Variants in C22orf42 observed in about 807,000 individuals in gnomAD.
C22orf42 encodes the protein uncharacterized protein C22orf42.
C22orf42 carries 24 observed loss-of-function variants against 31.4 expected under a neutral mutation model. The observed-to-expected ratio is 0.77, with a 90% confidence interval of 0.55 to 1.08. The LOEUF is 1.08. Among genes scored for constraint, C22orf42 ranks in the 50% least tolerant of loss-of-function variants. The pLI is 0.00. For missense variants in C22orf42, 276 were observed against 327.3 expected, an observed-to-expected ratio of 0.84 and a Z score of 1.21; for synonymous variants, 96 against 112.7, an observed-to-expected ratio of 0.85 and a Z score of 0.94.
In C22orf42 at chr22:32,150,451, T is replaced by C. The variant is rs770081237; in HGVS notation, c.522A>G (p.Leu174=). 1.9e-6 allele frequency: 3 copies of C among 1,614,038 alleles called. No individual in the cohort carries two copies. Among genetic ancestry groups the C allele is most frequent in the Admixed American group, 1.7e-5 (1 of 60,004 alleles). The part of the protein sequence containing the change: ...HHLVEDLSES[L]SVCLEDFMTS... ...TCATGAAGTCTTCAAGACAGACAGA[T>C]AGGCTTTCACTGAGATCTTCGACCA... The change falls in exon 7 of 9, where the codon CTA becomes CTG. Residue 174 remains leucine (L), a synonymous_variant. Coordinates refer to ENST00000382097, the MANE Select transcript of C22orf42 (RefSeq NM_001010859.3).
chr22:32,149,555 T>G lies in C22orf42; in HGVS notation c.741A>C (p.Gly247=), dbSNP rs1788998465. The G allele has an allele frequency of 6.5e-7, 1 of 1,535,040 alleles. No homozygotes were observed. Among genetic ancestry groups the G allele is most frequent in the South Asian group, 1.2e-5 (1 of 81,802 alleles). Residue 247 remains glycine, a synonymous_variant, in exon 9 of 9, where the codon GGA becomes GGC. Coordinates refer to ENST00000382097, the MANE Select transcript of C22orf42 (RefSeq NM_001010859.3). ...LNEPISSQVL[G]LLRL is the part of the protein sequence containing the mutation. ...ACTTGGAACACTAAAGCCGGAGAAG[T>G]CCTAGAACCTGGCTGCTGATGGGTT...
chr22:32,157,063 T>G (rs539903101), intron 1 of C22orf42, among the ~76,000 whole-genome samples: 69 of 152,350 alleles, frequency 4.5e-4, no homozygotes, highest in Non-Finnish European at 8.5e-4. Flanking sequence ...GCCTTTCTCT[T>G]ATGTGTGAAG....
intron 1 of C22orf42, among the ~76,000 whole-genome samples, chr22:32,157,407 T>C (rs891864221): frequency 1.8e-4 from 27 of 151,856 alleles, no homozygotes; most frequent in South Asian, 2.1e-4. Context: ...GCTCACTACG[T>C]GTACAAGGCC....
At chr22:32,153,628 G>A (rs1309027077) in intron 2 of C22orf42, among the ~76,000 whole-genome samples, 3 of 152,256 alleles carry the variant, frequency 2.0e-5, no homozygotes, top group South Asian at 2.1e-4. Context: ...AAATTCTACC[G>A]AAATTCTTAC....
Position 32,150,431 on chromosome 22 carries a change from A to G in C22orf42, c.542T>C (p.Phe181Ser). ...GCTTTCACTGAGATCCGATGTCATG[A>G]AGTCTTCAAGACAGACAGATAGGCT... is the stretch of plus-strand genomic sequence containing the variant. ...SESLSVCLED[F>S]MTSDLSESLS... The change falls in exon 7 of 9, where the codon TTC becomes TCC. Residue 181 changes from phenylalanine to serine, a missense_variant. Phe to Ser is a radical substitution (Grantham distance 155). Transcript: ENST00000382097. 2 of 1,614,146 alleles carry G rather than the reference A, an allele frequency of 1.2e-6. No individual in the cohort carries two copies. The highest frequency in any genetic ancestry group is 1.7e-6 in the Non-Finnish European group (2 of 1,179,998).
At chr22:32,152,207 A>G in intron 3 of C22orf42, 113 bp from the exon 4 acceptor site, 4 of 1,288,046 alleles carry the variant, frequency 3.1e-6, no homozygotes, top group African/African-American at 1.5e-5. Flanking sequence ...TGAAACAGTG[A>G]TCAAGTCACT....
upstream of C22orf42, chr22:32,159,372 C>A: frequency 1.4e-6 from 2 of 1,436,134 alleles, no homozygotes; most frequent in Non-Finnish European, 1.8e-6. Context: ...TGCCAGGAAA[C>A]AACCAAGTCA....
intron 5 of C22orf42, 70 bp from the exon 6 acceptor site, chr22:32,151,089 T>C: frequency 8.6e-6 from 13 of 1,504,742 alleles, no homozygotes; most frequent in Non-Finnish European, 1.2e-5. Flanking sequence ...GGCAAAGGCC[T>C]TTTATTCACC....
rs1921468186 is a variant in C22orf42, at chr22:32,159,289, G to A, written c.-74C>T. ...TAGTCGGAGCTCCTCCTCCTTCTACGGCCAGCTACCGACTGAAGGCTGCTG... is the reference window on the plus strand; with the variant it reads ...TAGTCGGAGCTCCTCCTCCTTCTACAGCCAGCTACCGACTGAAGGCTGCTG... On this transcript the variant is annotated 5_prime_UTR_variant, in exon 1 of 9. Coordinates refer to ENST00000382097, the MANE Select transcript of C22orf42 (RefSeq NM_001010859.3). 12 of 1,564,862 alleles carry A rather than the reference G, an allele frequency of 7.7e-6. No homozygotes were observed. The highest frequency in any genetic ancestry group is 2.3e-5 in the South Asian group (2 of 85,842).
intron 2 of C22orf42, among the ~76,000 whole-genome samples, chr22:32,152,984 G>C (rs1322943728): frequency 6.6e-6 from 1 of 152,140 alleles, no homozygotes; most frequent in Non-Finnish European, 1.5e-5. Flanking sequence ...TTTAACTTCT[G>C]TGGATCTACA....
chr22:32,159,345 C>T, upstream of C22orf42: 1 of 1,450,674 alleles, frequency 6.9e-7, no homozygotes, highest in East Asian at 2.5e-5. Context: ...ACCACAAAAC[C>T]TCCTATGTCA....
rs1281001246 is a variant in C22orf42, at chr22:32,151,006, G to T, written c.479C>A (p.Ala160Asp). ...NITSDIEISEAKHDHHLVEDL... is the reference protein window; with the variant it reads ...NITSDIEISEDKHDHHLVEDL... ...AAAATACGTACGGTGGTCGTGCTTGGCCTCAGATATTTCCTGCAGTAAGAG... is the reference window on the plus strand; with the variant it reads ...AAAATACGTACGGTGGTCGTGCTTGTCCTCAGATATTTCCTGCAGTAAGAG... Residue 160 changes from alanine to aspartate, a missense_variant, in exon 6 of 9, where the codon GCC becomes GAC. Transcript: ENST00000382097. The T allele has an allele frequency of 6.8e-6, 11 of 1,612,242 alleles. No individual in the cohort carries two copies. Among genetic ancestry groups the T allele is most frequent in the Non-Finnish European group, 8.5e-6 (10 of 1,179,326 alleles).
At position 32,159,248 on chromosome 22, in the gene C22orf42, G is replaced by T. The variant is rs1342474848; in HGVS notation, c.-33C>A. 6.2e-7 allele frequency: 1 copy of T among 1,606,436 alleles called. No individual in the cohort carries two copies. Among genetic ancestry groups the T allele is most frequent in the Non-Finnish European group, 8.5e-7 (1 of 1,179,028 alleles). On this transcript the variant is annotated 5_prime_UTR_variant, in exon 1 of 9. Coordinates refer to ENST00000382097, the MANE Select transcript of C22orf42 (RefSeq NM_001010859.3). ...CTAAACACACAAAAAAGTCCAAGAG[G>T]CACAAGGACAGAATGTAGTCGGAGC...
In C22orf42 at chr22:32,149,752, C is replaced by G. The variant is rs761873724; in HGVS notation, c.682+1G>C. ...ATATATCTAGATATATATATACTTA[C>G]AGAGGTAATCTTCATATCTCTCCTT... On this transcript the variant is annotated splice_donor_variant, in intron 8 of 8. Coordinates refer to ENST00000382097, the MANE Select transcript of C22orf42 (RefSeq NM_001010859.3). LOFTEE classifies it high-confidence loss of function. 4.3e-5 allele frequency: 61 copies of G among 1,431,328 alleles called. No homozygotes were observed. The Admixed American group carries it at 1.5e-3, about 34-fold the overall frequency. 88.7% of individuals were successfully genotyped at this position (1,431,328 alleles called of 1,614,324 possible).
At chr22:32,154,588 C>A (rs1921159960) in intron 1 of C22orf42, among the ~76,000 whole-genome samples, 2 of 152,204 alleles carry the variant, frequency 1.3e-5, no homozygotes, top group Non-Finnish European at 2.9e-5. Flanking sequence ...AGAAAAGCAG[C>A]AGATCCAAGT....
At chr22:32,154,450 G>T (rs533513856) in intron 1 of C22orf42, 132 bp from the exon 2 acceptor site, 3 of 1,114,284 alleles carry the variant, frequency 2.7e-6, no homozygotes, top group Non-Finnish European at 3.7e-6. Context: ...TTTTGATCCC[G>T]GTTTGCACCG....
At position 32,154,293 on chromosome 22, in the gene C22orf42, C is replaced by T; in HGVS notation, c.258G>A (p.Trp86Ter). 1 of 1,612,362 alleles carries T rather than the reference C, an allele frequency of 6.2e-7. No individual in the cohort carries two copies. Among genetic ancestry groups the T allele is most frequent in the Non-Finnish European group, 8.5e-7 (1 of 1,179,456 alleles). Residue 86 changes from tryptophan to a stop codon, truncating the protein, a stop_gained, in exon 2 of 9, where the codon TGG becomes TGA. Coordinates refer to ENST00000382097, the MANE Select transcript of C22orf42 (RefSeq NM_001010859.3). LOFTEE classifies it high-confidence loss of function. ...CGTGCCGTCTCCATATTATTTTTAA[C>T]CAGCGCTTGGAGCGGGCGTCCAAAC... Reference protein sequence around the residue: ...SKGLDARSKRWLKIIWRRHGI... With the variant: ...SKGLDARSKR
chr22:32,153,334 T>C (rs1288056264), intron 2 of C22orf42, among the ~76,000 whole-genome samples: 1 of 152,222 alleles, frequency 6.6e-6, no homozygotes, highest in African/African-American at 2.4e-5. Flanking sequence ...ACCTCTACCT[T>C]GGCTACCCAC....
intron 6 of C22orf42, 160 bp from the exon 7 acceptor site, chr22:32,150,639 A>C (rs1221971104): frequency 2.0e-5 from 14 of 698,070 alleles, no homozygotes; most frequent in Non-Finnish European, 3.4e-5. Context: ...GAAGGAAGGC[A>C]AAGGAGAAGG....
Sources: allele counts gnomAD v4.1 joint callset (sites outside exome capture counted in the v4.1 genomes callset), GRCh38; gene constraint gnomAD v4.1.1; transcripts MANE v1.5; gene names NCBI Gene and HGNC (gene_info 2026-07-23, HGNC 2026-07-21).